Variants in SAMMSON observed in about 807,000 individuals in gnomAD.
SAMMSON encodes long intergenic non-protein coding RNA 1212.
At chr3:70,024,139 A>G (rs1316379696) in intron 3 of SAMMSON, among the ~76,000 whole-genome samples, 1 of 152,132 alleles carries the variant, frequency 6.6e-6, no homozygotes, top group African/African-American at 2.4e-5. Flanking sequence ...CCTCAGTTAG[A>G]TTGGCAGTTC....
downstream of SAMMSON, among the ~76,000 whole-genome samples, chr3:70,391,318 A>G (rs1011648649): frequency 6.6e-6 from 1 of 152,154 alleles, no homozygotes; most frequent in Admixed American, 6.6e-5. Context: ...ATTGGAGTAA[A>G]TATTTATAAT....
chr3:70,077,133 C>T (rs2067250656), intron 4 of SAMMSON, among the ~76,000 whole-genome samples: 1 of 152,084 alleles, frequency 6.6e-6, no homozygotes, highest in South Asian at 2.1e-4. Flanking sequence ...TTTTAGTAGG[C>T]TAGCACTTCT....
intron 7 of SAMMSON, among the ~76,000 whole-genome samples, chr3:70,342,935 C>T (rs1271849189): frequency 1.3e-5 from 2 of 152,152 alleles, no homozygotes; most frequent in Non-Finnish European, 2.9e-5. Flanking sequence ...CATTGGCAAA[C>T]ATGAGTAGTA....
intron 3 of SAMMSON, among the ~76,000 whole-genome samples, chr3:70,037,259 T>G (rs1356965107): frequency 1.3e-5 from 2 of 152,046 alleles, no homozygotes; most frequent in Admixed American, 6.6e-5. Flanking sequence ...ACACTGTCCT[T>G]CCCCTCTGGC....
chr3:70,430,982 A>G (rs1403524495), intron 2 of SAMMSON, among the ~76,000 whole-genome samples: 1 of 152,092 alleles, frequency 6.6e-6, no homozygotes, highest in African/African-American at 2.4e-5. Flanking sequence ...TATTTCAACT[A>G]TTCAGTGGTT....
chr3:70,346,812 T>A (rs532395277), intron 7 of SAMMSON, among the ~76,000 whole-genome samples: 11 of 152,320 alleles, frequency 7.2e-5, no homozygotes, highest in African/African-American at 2.6e-4. Context: ...AAATGTAATG[T>A]TAGTATTTTA....
At chr3:70,164,505 C>T (rs991948636) in intron 4 of SAMMSON, among the ~76,000 whole-genome samples, 4 of 152,008 alleles carry the variant, frequency 2.6e-5, no homozygotes, top group Admixed American at 1.3e-4. Context: ...CTTGTGCCTG[C>T]ACTTTTTCTG....
At chr3:70,067,966 AGTGGTGGGG>A (rs1247362707) in intron 3 of SAMMSON, among the ~76,000 whole-genome samples, 1 of 152,072 alleles carries the variant, frequency 6.6e-6, no homozygotes, top group Non-Finnish European at 1.5e-5. Flanking sequence ...AACAATTTGT[AGTGGTGGGG>A]GTAGAGTCTA....
At chr3:70,005,636 G>GTCA (rs2066923804) in intron 1 of SAMMSON, among the ~76,000 whole-genome samples, 1 of 152,108 alleles carries the variant, frequency 6.6e-6, no homozygotes, top group Non-Finnish European at 1.5e-5. Context: ...CAGAAAAAGG[G>GTCA]GCAGAGCATT....
intron 9 of SAMMSON, among the ~76,000 whole-genome samples, chr3:70,380,508 G>A (rs1340471100): frequency 6.6e-6 from 1 of 151,838 alleles, no homozygotes; most frequent in Non-Finnish European, 1.5e-5. Flanking sequence ...TTCAGAATGT[G>A]GTCTCTAAAT....
At chr3:70,241,139 T>C (rs6549301) in intron 4 of SAMMSON, among the ~76,000 whole-genome samples, 152,050 of 152,258 alleles carry the variant, frequency 1, 75,921 homozygotes, top group South Asian at 1. Flanking sequence ...ACATACGGGC[T>C]GATAAATTTA....
At chr3:70,005,162 G>T (rs1447062042) in intron 1 of SAMMSON, among the ~76,000 whole-genome samples, 1 of 152,060 alleles carries the variant, frequency 6.6e-6, no homozygotes, top group Non-Finnish European at 1.5e-5. Context: ...CTCCTTCAAT[G>T]AAATATTTTA....
At chr3:70,096,477 G>T (rs1285951565) in intron 4 of SAMMSON, among the ~76,000 whole-genome samples, 1 of 152,170 alleles carries the variant, frequency 6.6e-6, no homozygotes, top group Admixed American at 6.5e-5. Context: ...CCAGGAAGTT[G>T]AAGCTGCAGT....
At chr3:70,432,594 C>A (rs1365217528) in intron 2 of SAMMSON, among the ~76,000 whole-genome samples, 3 of 151,928 alleles carry the variant, frequency 2.0e-5, no homozygotes, top group African/African-American at 7.2e-5. Context: ...ACAGTTTCTC[C>A]TATTTCTAAC....
At position 70,241,193 on chromosome 3, in the gene SAMMSON, G is replaced by A. The variant is rs140286148; in HGVS notation, n.508-7914G>A. On this transcript the variant is annotated intron_variant and non_coding_transcript_variant, in intron 4 of 9. Transcript: ENST00000642114. ...GATATTTTGGAAGAATTGCTAGAACGGTTCCTCATAAATATTGTCATATTT... is the reference window on the plus strand; with the variant it reads ...GATATTTTGGAAGAATTGCTAGAACAGTTCCTCATAAATATTGTCATATTT... 3.3e-3 allele frequency among the ~76,000 whole-genome samples: 499 copies of A among 152,126 alleles called. 4 individuals are homozygous for A. Among genetic ancestry groups the A allele is most frequent in the African/African-American group, 0.012 (480 of 41,504 alleles).
At chr3:70,143,733 T>G (rs7433048) in intron 4 of SAMMSON, among the ~76,000 whole-genome samples, 11,080 of 152,192 alleles carry the variant, frequency 0.073, 560 homozygotes, top group Non-Finnish European at 0.11. Flanking sequence ...AAGAGTGAGC[T>G]CCCTGCAGTT....
intron 3 of SAMMSON, chr3:70,069,263 A>T (rs1008900156): frequency 3.9e-5 from 6 of 152,106 alleles, no homozygotes; most frequent in African/African-American, 1.2e-4. Context: ...CAAATGGCTT[A>T]TTTTAATATT....
At chr3:70,175,071 G>A (rs773236026) in intron 4 of SAMMSON, among the ~76,000 whole-genome samples, 4 of 151,940 alleles carry the variant, frequency 2.6e-5, no homozygotes, top group South Asian at 4.2e-4. Flanking sequence ...ATTTGTTATC[G>A]CAATTAATAG....
chr3:70,419,237 G>T (rs1701291759), intron 2 of SAMMSON, among the ~76,000 whole-genome samples: 1 of 151,312 alleles, frequency 6.6e-6, no homozygotes, highest in Non-Finnish European at 1.5e-5. Context: ...TTTGCCATGT[G>T]GCCCAGGCTG....
Sources: gnomAD v4.1 joint callset for allele counts (sites outside exome capture counted in the v4.1 genomes callset) on GRCh38, gnomAD v4.1.1 for gene constraint, MANE v1.5 for transcripts, NCBI Gene and HGNC (gene_info 2026-07-23, HGNC 2026-07-21) for gene names.